Variants in SCNN1A observed in about 807,000 individuals in gnomAD.
SCNN1A encodes epithelial sodium channel subunit alpha.
SCNN1A carries 65 observed loss-of-function variants against 68.6 expected under a neutral mutation model. That is an observed-to-expected ratio of 0.95 (90% CI 0.78 to 1.16). The LOEUF (loss-of-function observed/expected upper bound fraction) is 1.16. SCNN1A is among the 50% of genes most tolerant of loss of function. The pLI is 0.00. For synonymous variants in SCNN1A, 357 were observed against 353.3 expected, an observed-to-expected ratio of 1.01 and a Z score of -0.12; for missense variants, 880 against 865.9, an observed-to-expected ratio of 1.02 and a Z score of -0.20.
At chr12:6,350,348 C>T (rs1948361667) in intron 8 of SCNN1A, among the ~76,000 whole-genome samples, 1 of 150,364 alleles carries the variant, frequency 6.7e-6, no homozygotes, top group Non-Finnish European at 1.5e-5. Flanking sequence ...AGGAGAATGG[C>T]GTGAACCCGG....
chr12:6,358,430 A>G (rs1948532340), intron 4 of SCNN1A, among the ~76,000 whole-genome samples: 1 of 152,220 alleles, frequency 6.6e-6, no homozygotes, highest in African/African-American at 2.4e-5. Flanking sequence ...CTCATAGGTA[A>G]ACACCCAAGA....
Position 6,374,801 on chromosome 12 carries a change from G to T in SCNN1A, c.-18C>A, listed in dbSNP as rs772741031. On this transcript the variant is annotated 5_prime_UTR_variant, in exon 2 of 13. Transcript: ENST00000228916. This position sits in a 1 kb window ranked among gnomAD's most constrained non-coding sequence, Gnocchi z 6.2. ...CCCTCCATGAGACCTGGTATGGGCT[G>T]CAGAGGTCTAGGGTCCTGCTCCTCC... 1.2e-6 allele frequency: 2 copies of T among 1,614,002 alleles called. No individual in the cohort carries two copies. Among genetic ancestry groups the T allele is most frequent in the South Asian group, 2.2e-5 (2 of 91,070 alleles).
intron 2 of SCNN1A, among the ~76,000 whole-genome samples, chr12:6,370,494 C>T (rs563394656): frequency 1.3e-5 from 2 of 152,240 alleles, no homozygotes; most frequent in Non-Finnish European, 2.9e-5. Flanking sequence ...CCCCGGTGGC[C>T]TCCTCTCACA....
At chr12:6,349,132 C>T (rs373941745) in intron 10 of SCNN1A, 32 bp downstream of exon 10, 99 of 1,609,728 alleles carry the variant, frequency 6.2e-5, no homozygotes, top group Non-Finnish European at 7.4e-5. Flanking sequence ...TGGGCACACA[C>T]ATCCCCCACC....
chr12:6,355,437 T>A lies in SCNN1A; in HGVS notation c.980-2A>T, dbSNP rs1387262683. ...CTGCGCGCAGCATCAGGGACAGACC[T>A]AGGGGTGCAGAGAGAGCAGAGTTGG... is the stretch of plus-strand genomic sequence containing the variant. On this transcript the variant is annotated splice_acceptor_variant, in intron 5 of 12. Transcript: ENST00000228916. LOFTEE classifies it high-confidence loss of function. 6.2e-7 allele frequency: 1 copy of A among 1,613,712 alleles called. No individual in the cohort carries two copies. Among genetic ancestry groups the A allele is most frequent in the Non-Finnish European group, 8.5e-7 (1 of 1,179,900 alleles).
At chr12:6,368,500 A>G (rs1161331516) in intron 2 of SCNN1A, among the ~76,000 whole-genome samples, 2 of 152,242 alleles carry the variant, frequency 1.3e-5, no homozygotes, top group African/African-American at 2.4e-5. Context: ...ACAAACTTTA[A>G]AAATGTAAAG....
chr12:6,363,558 C>A lies in SCNN1A; in HGVS notation c.569G>T (p.Arg190Leu). The part of the protein sequence containing the change: ...LRGTLPHPLQ[R>L]LRVPPPPHGA... ...GTGAGGCGGGGGCGGGACCCTCAGG[C>A]GCTGCAAGGGGTGCGGCAGAGTCCC... is the stretch of plus-strand genomic sequence containing the variant. Residue 190 changes from arginine (R) to leucine (L), a missense_variant, in exon 3 of 13, where the codon CGC becomes CTC. By Grantham distance (102) the Arg-to-Leu change is moderately radical. This residue lies in a region of SCNN1A where 758 missense variants were observed against 721.8 expected (regional missense o/e 1.05). Transcript: ENST00000228916. 1 of 1,610,738 alleles carries A rather than the reference C, an allele frequency of 6.2e-7. No homozygotes were observed. Among genetic ancestry groups the A allele is most frequent in the Admixed American group, 1.7e-5 (1 of 59,698 alleles).
At chr12:6,371,032 C>T (rs1213319396) in intron 2 of SCNN1A, among the ~76,000 whole-genome samples, 2 of 152,198 alleles carry the variant, frequency 1.3e-5, no homozygotes, top group East Asian at 1.9e-4. Flanking sequence ...CCTTCGGACT[C>T]AGCACTTCCT....
rs1948804012 is a variant in SCNN1A, at chr12:6,372,079, C to G, written c.416+2289G>C. On this transcript the variant is annotated intron_variant, in intron 2 of 12. Transcript: ENST00000228916. This position sits in a 1 kb window ranked among gnomAD's most constrained non-coding sequence, Gnocchi z 5.8. ...ACCTTGTTTGAGCTCCATCCCAGATCCCTCAATGCCTGCCTTGGCCTCCCA... is the reference window on the plus strand; with the variant it reads ...ACCTTGTTTGAGCTCCATCCCAGATGCCTCAATGCCTGCCTTGGCCTCCCA... Among the ~76,000 whole-genome samples, 1 of 152,204 alleles carries G rather than the reference C, an allele frequency of 6.6e-6. No homozygotes were observed. The highest frequency in any genetic ancestry group is 1.5e-5 in the Non-Finnish European group (1 of 68,036).
intron 4 of SCNN1A, chr12:6,356,194 A>T (rs1195995805): frequency 4.7e-6 from 2 of 427,652 alleles, no homozygotes; most frequent in African/African-American, 4.0e-5. Context: ...TCCTCTCACC[A>T]GGCCATCTGG....
chr12:6,362,004 G>A (rs1300650219), intron 4 of SCNN1A, 47 bp downstream of exon 4: 4 of 1,600,066 alleles, frequency 2.5e-6, no homozygotes, highest in Non-Finnish European at 3.4e-6. Flanking sequence ...GCTGACCCAG[G>A]GAAGCGGACC....
intron 2 of SCNN1A, among the ~76,000 whole-genome samples, chr12:6,366,446 C>T (rs1384302928): frequency 6.6e-6 from 1 of 152,182 alleles, no homozygotes; most frequent in African/African-American, 2.4e-5. Flanking sequence ...TAGGGATTTA[C>T]AGTGAGCTGT....
chr12:6,347,791 G>A lies in SCNN1A; in HGVS notation c.*82C>T, dbSNP rs1948283790. 7.2e-6 allele frequency: 9 copies of A among 1,246,844 alleles called. No individual in the cohort carries two copies. In the Admixed American group the frequency reaches 1.3e-4, roughly 19 times the overall value. The allele number at this position is 1,246,844 out of a possible 1,614,324, so 77.2% of individuals were successfully genotyped here. Reference sequence around the variant, plus strand: ...TTGGGCGGCTCTGAGAGGAAGCCCTGCACATCCTTCAATCTTGCCAGGGCC... The same window carrying A: ...TTGGGCGGCTCTGAGAGGAAGCCCTACACATCCTTCAATCTTGCCAGGGCC... On this transcript the variant is annotated 3_prime_UTR_variant, in exon 13 of 13. Coordinates refer to ENST00000228916, the MANE Select transcript of SCNN1A (RefSeq NM_001038.6).
chr12:6,351,250 C>T lies in SCNN1A; in HGVS notation c.1361-1845G>A, dbSNP rs545056721. Among the ~76,000 whole-genome samples, 10 of 152,310 alleles carry T rather than the reference C, an allele frequency of 6.6e-5. No individual in the cohort carries two copies. In the East Asian group the frequency reaches 1.3e-3, roughly 21 times the overall value. Reference sequence around the variant, plus strand: ...ATGAGGCACTGCTATTGCTACCATACGGATGAACCTTGAAAATATTATGCT... The same window carrying T: ...ATGAGGCACTGCTATTGCTACCATATGGATGAACCTTGAAAATATTATGCT... On this transcript the variant is annotated intron_variant, in intron 8 of 12. Coordinates refer to ENST00000228916, the MANE Select transcript of SCNN1A (RefSeq NM_001038.6). The surrounding 1 kb of genome is among the most constrained non-coding windows in gnomAD (Gnocchi z 4.2).
intron 8 of SCNN1A, among the ~76,000 whole-genome samples, chr12:6,353,037 C>T (rs1247669727): frequency 6.6e-6 from 1 of 152,206 alleles, no homozygotes; most frequent in Non-Finnish European, 1.5e-5. Context: ...AGCATGAACT[C>T]CAGGAATGCA....
chr12:6,365,604 T>C (rs750967784), intron 2 of SCNN1A, among the ~76,000 whole-genome samples: 5 of 152,076 alleles, frequency 3.3e-5, no homozygotes, highest in Non-Finnish European at 5.9e-5. Context: ...GTGTAGAAAA[T>C]AAAATTTGTT....
chr12:6,363,860 C>T lies in SCNN1A; in HGVS notation c.417-150G>A, dbSNP rs1032094909. The T allele has an allele frequency of 2.1e-5, 13 of 605,914 alleles. No individual in the cohort carries two copies. In the East Asian group the frequency reaches 3.6e-4, roughly 17 times the overall value. The allele number at this position is 605,914 out of a possible 1,614,324, so 37.5% of individuals were successfully genotyped here. On this transcript the variant is annotated intron_variant, in intron 2 of 12. Coordinates refer to ENST00000228916, the MANE Select transcript of SCNN1A (RefSeq NM_001038.6). The stretch of plus-strand genomic sequence containing the variant: ...TGGGGTCGTCGTGGCGCCTCCTGGC[C>T]GTCCGGCGGTGAAGGGTAAACAGGT...
Position 6,374,240 on chromosome 12 carries a change from C to T in SCNN1A, c.416+128G>A. On this transcript the variant is annotated intron_variant, in intron 2 of 12. Transcript: ENST00000228916. The surrounding 1 kb of genome is among the most constrained non-coding windows in gnomAD (Gnocchi z 6.2). ...CTCCTCATTTTGCCAGCAGTGAGCT[C>T]TACCTGGGACAGGGGTGTCAGTTCC... 9.4e-7 allele frequency: 1 copy of T among 1,064,442 alleles called. No individual in the cohort carries two copies. The highest frequency in any genetic ancestry group is 2.6e-5 in the East Asian group (1 of 38,498). The allele number at this position is 1,064,442 out of a possible 1,614,324, so 65.9% of individuals were successfully genotyped here.
chr12:6,347,218 T>A lies in SCNN1A; in HGVS notation c.*655A>T, dbSNP rs1166310709. ...TATCTCAAGCAGACATGTAGAGGTA[T>A]GAAAGACACAGGGCAGAGGTGCCGG... On this transcript the variant is annotated 3_prime_UTR_variant, in exon 13 of 13. Coordinates refer to ENST00000228916, the MANE Select transcript of SCNN1A (RefSeq NM_001038.6). The A allele has an allele frequency of 6.5e-6, 1 of 153,618 alleles. No individual in the cohort carries two copies. The highest frequency in any genetic ancestry group is 2.4e-5 in the African/African-American group (1 of 41,416). The allele number at this position is 153,618 out of a possible 1,614,324, so 9.5% of individuals were successfully genotyped here.
Sources: allele counts gnomAD v4.1 joint callset (sites outside exome capture counted in the v4.1 genomes callset), GRCh38; gene constraint gnomAD v4.1.1; regional missense constraint gnomAD v4.1.1; non-coding constraint Gnocchi (gnomAD v3.1); transcripts MANE v1.5; gene names NCBI Gene and HGNC (gene_info 2026-07-23, HGNC 2026-07-21).